HOMER2: variants seen among roughly 807,000 people sequenced by gnomAD.
The protein encoded by HOMER2 is homer protein homolog 2.
In HOMER2, 27 loss-of-function variants were observed where a neutral mutation model predicts 47.0. That is an observed-to-expected ratio of 0.57 (90% CI 0.42 to 0.79). The LOEUF is 0.79. Among genes scored for constraint, HOMER2 ranks in the 30% least tolerant of loss-of-function variants. The pLI is 0.00. For missense variants in HOMER2, 443 were observed against 435.0 expected (o/e 1.02, Z -0.16); for synonymous variants, 161 against 163.8 (o/e 0.98, Z 0.13).
intron 1 of HOMER2, among the ~76,000 whole-genome samples, chr15:82,903,206 G>C (rs144154909): frequency 6.6e-5 from 10 of 152,324 alleles, no homozygotes; most frequent in African/African-American, 2.4e-4. Context: ...GCCTGGCCTA[G>C]AGCGGTAGGG....
chr15:82,864,449 T>G (rs1439046466), intron 3 of HOMER2, among the ~76,000 whole-genome samples, 190 bp from the exon 4 acceptor site: 3 of 152,246 alleles, frequency 2.0e-5, no homozygotes, highest in Admixed American at 2.0e-4. Flanking sequence ...AGGTCAGTTC[T>G]GAACCCATAT....
chr15:82,849,408 C>A lies in HOMER2; in HGVS notation c.*307G>T, dbSNP rs1292032915. The stretch of plus-strand genomic sequence containing the variant: ...TTACAAAATGCGTGTTTTTTCAGTT[C>A]ATATGGTTGCAACAGCCCTTATGAA... On this transcript the variant is annotated 3_prime_UTR_variant, in exon 9 of 9. Transcript: ENST00000450735. 2 of 326,866 alleles carry A rather than the reference C, an allele frequency of 6.1e-6. No individual in the cohort carries two copies. Among genetic ancestry groups the A allele is most frequent in the Non-Finnish European group, 1.1e-5 (2 of 179,410 alleles). The allele number at this position is 326,866 out of a possible 1,614,324, so 20.2% of individuals were successfully genotyped here. A position where few individuals can be genotyped will look rare whatever the true frequency, so the allele number is the denominator to read the frequency against.
At chr15:82,850,007 C>A in intron 8 of HOMER2, 104 bp from the exon 9 acceptor site, 3 of 1,223,434 alleles carry the variant, frequency 2.5e-6, no homozygotes, top group Non-Finnish European at 3.5e-6. Context: ...ATCTGAGGGC[C>A]TGGGCCAGGG....
At chr15:82,966,959 C>G (rs2054680191) in intron 1 of HOMER2, among the ~76,000 whole-genome samples, 2 of 152,176 alleles carry the variant, frequency 1.3e-5, no homozygotes, top group African/African-American at 4.8e-5. Context: ...CAAGTCAACT[C>G]TAAAAAGGAT....
At chr15:82,936,562 TCTC>T (rs1283577940) in intron 1 of HOMER2, among the ~76,000 whole-genome samples, 1 of 152,108 alleles carries the variant, frequency 6.6e-6, no homozygotes, top group Non-Finnish European at 1.5e-5. Flanking sequence ...CATACATGGT[TCTC>T]CTATTTCTTT....
At chr15:82,864,394 T>C (rs1038781803) in intron 3 of HOMER2, 135 bp from the exon 4 acceptor site, 5 of 583,742 alleles carry the variant, frequency 8.6e-6, no homozygotes, top group Admixed American at 3.5e-5. Flanking sequence ...TTATTTGCTA[T>C]TAAATGAATA....
At chr15:82,862,062 TTCTC>T (rs769353023) in intron 4 of HOMER2, among the ~76,000 whole-genome samples, 175 of 134,180 alleles carry the variant, frequency 1.3e-3, no homozygotes, top group Non-Finnish European at 2.0e-3. Flanking sequence ...AAAATAGTCT[TTCTC>T]TCTCTTTTTT....
intron 1 of HOMER2, among the ~76,000 whole-genome samples, chr15:82,919,714 C>A (rs1460300448): frequency 1.3e-5 from 2 of 152,176 alleles, no homozygotes; most frequent in East Asian, 3.8e-4. Flanking sequence ...TTGTTCCCTG[C>A]AGAGGCAAAA....
intron 1 of HOMER2, among the ~76,000 whole-genome samples, chr15:82,915,528 G>A (rs1469326762): frequency 2.0e-5 from 3 of 151,908 alleles, no homozygotes; most frequent in East Asian, 3.9e-4. Flanking sequence ...AGACCCCTTC[G>A]CTACAAAAAA....
intron 1 of HOMER2, among the ~76,000 whole-genome samples, chr15:82,930,460 A>C (rs1055352975): frequency 1.3e-5 from 2 of 152,234 alleles, no homozygotes; most frequent in African/African-American, 4.8e-5. Context: ...GCCAGGAAGC[A>C]GCTCTGAGAT....
upstream of HOMER2, chr15:82,952,733 G>A (rs1009629442): frequency 8.2e-6 from 8 of 979,752 alleles, no homozygotes; most frequent in African/African-American, 1.8e-5. Flanking sequence ...GCGGGCGGGG[G>A]CTGGGCGGCC....
chr15:82,968,104 G>A (rs1278865787), intron 1 of HOMER2, among the ~76,000 whole-genome samples: 5 of 151,948 alleles, frequency 3.3e-5, no homozygotes, highest in Admixed American at 2.0e-4. Context: ...GTCTCACTGT[G>A]TTGCCCAGTC....
At chr15:82,985,238 G>C (rs2030550611) in intron 1 of HOMER2, among the ~76,000 whole-genome samples, 3 of 152,280 alleles carry the variant, frequency 2.0e-5, no homozygotes, top group South Asian at 4.1e-4. Flanking sequence ...TTGAATCCAA[G>C]TTAATAAACT....
chr15:82,915,877 G>A (rs765327868), intron 1 of HOMER2, among the ~76,000 whole-genome samples: 3 of 152,202 alleles, frequency 2.0e-5, no homozygotes, highest in Non-Finnish European at 4.4e-5. Flanking sequence ...TTGAGGATTG[G>A]TTAAATTAAG....
At chr15:82,927,471 T>C (rs1276790352) in intron 1 of HOMER2, among the ~76,000 whole-genome samples, 1 of 152,204 alleles carries the variant, frequency 6.6e-6, no homozygotes, top group Non-Finnish European at 1.5e-5. Context: ...CCAATTTCTA[T>C]AGCGATAAAG....
intron 3 of HOMER2, among the ~76,000 whole-genome samples, chr15:82,868,875 C>T (rs1459195597): frequency 6.6e-6 from 1 of 151,220 alleles, no homozygotes; most frequent in East Asian, 1.9e-4. Context: ...ATATTTAGAC[C>T]TACAGTCCCA....
At chr15:82,948,244 A>G (rs2054424171) in intron 1 of HOMER2, among the ~76,000 whole-genome samples, 1 of 152,142 alleles carries the variant, frequency 6.6e-6, no homozygotes, top group South Asian at 2.1e-4. Flanking sequence ...ACAAAAAATT[A>G]GCTGGGCGTG....
chr15:82,869,338 AT>A (rs2052098980), intron 3 of HOMER2, among the ~76,000 whole-genome samples: 1 of 151,244 alleles, frequency 6.6e-6, no homozygotes. Flanking sequence ...ATTTGCATTC[AT>A]TACCTACATT....
At chr15:82,896,204 T>G (rs2052911072) in intron 1 of HOMER2, among the ~76,000 whole-genome samples, 1 of 151,956 alleles carries the variant, frequency 6.6e-6, no homozygotes, top group African/African-American at 2.4e-5. Context: ...GTGCGGCCTG[T>G]GGTGGCCCAG....
Sources: allele counts gnomAD v4.1 joint callset (sites outside exome capture counted in the v4.1 genomes callset), GRCh38; gene constraint gnomAD v4.1.1; transcripts MANE v1.5; gene names NCBI Gene and HGNC (gene_info 2026-07-23, HGNC 2026-07-21).